The following NAALADL2 variants were observed in gnomAD, a reference collection of about 807,000 sequenced individuals.
The protein encoded by NAALADL2 is N-acetylated alpha-linked acidic dipeptidase like 2.
NAALADL2 carries 76 observed loss-of-function variants against 87.2 expected under a neutral mutation model. The ratio of observed to expected loss-of-function variants is 0.87; its 90% CI spans 0.72 to 1.05. The LOEUF (loss-of-function observed/expected upper bound fraction) is 1.05. Among genes scored for constraint, NAALADL2 ranks in the 50% least tolerant of loss-of-function variants. The probability of loss-of-function intolerance (pLI) is 0.00; values close to 1 mark genes in which losing one functional copy is unlikely to be tolerated. For missense variants in NAALADL2, 1,089 were observed against 945.8 expected, an observed-to-expected ratio of 1.15 and a Z score of -1.99; for synonymous variants, 354 against 331.0, an observed-to-expected ratio of 1.07 and a Z score of -0.75.
chr3:175,258,324 C>CAAAAAAAAA (rs1287997792), intron 4 of NAALADL2, among the ~76,000 whole-genome samples: 3 of 100,750 alleles, frequency 3.0e-5, no homozygotes, highest in African/African-American at 7.2e-5. Context: ...CCCCCACCAC[C>CAAAAAAAAA]AAAAAAAAAA....
intron 3 of NAALADL2, among the ~76,000 whole-genome samples, chr3:174,840,936 A>G (rs1409685557): frequency 2.0e-5 from 3 of 152,108 alleles, no homozygotes; most frequent in Admixed American, 6.6e-5. Flanking sequence ...TTTCAGAAAG[A>G]AAACATTCAC....
intron 1 of NAALADL2, among the ~76,000 whole-genome samples, chr3:175,013,067 A>AT (rs1750109121): frequency 2.5e-5 from 3 of 118,490 alleles, no homozygotes; most frequent in Non-Finnish European, 5.1e-5. Context: ...ATACACATAT[A>AT]TATAAATATG....
chr3:175,407,301 A>G, intron 5 of NAALADL2, among the ~76,000 whole-genome samples: 1 of 152,158 alleles, frequency 6.6e-6, no homozygotes, highest in East Asian at 1.9e-4. Context: ...TATATGGTTG[A>G]TAGGTGGTTG....
chr3:174,922,898 A>G (rs1735443284), intron 1 of NAALADL2, among the ~76,000 whole-genome samples: 1 of 152,196 alleles, frequency 6.6e-6, no homozygotes, highest in Admixed American at 6.5e-5. Flanking sequence ...TGCTGGTGGT[A>G]TTAACCTGAT....
At chr3:175,381,596 G>A (rs1247211884) in intron 5 of NAALADL2, among the ~76,000 whole-genome samples, 2 of 151,910 alleles carry the variant, frequency 1.3e-5, no homozygotes, top group Admixed American at 6.6e-5. Flanking sequence ...TTTATTTACT[G>A]AATTTCTGTC....
intron 3 of NAALADL2, among the ~76,000 whole-genome samples, chr3:174,760,293 C>T (rs1712744786): frequency 6.6e-6 from 1 of 152,124 alleles, no homozygotes; most frequent in Non-Finnish European, 1.5e-5. Flanking sequence ...GCAAAGAAAC[C>T]TTCCCACCGA....
At chr3:175,079,992 GTC>G (rs1463037695) in intron 1 of NAALADL2, among the ~76,000 whole-genome samples, 6 of 148,350 alleles carry the variant, frequency 4.0e-5, no homozygotes, top group Non-Finnish European at 7.4e-5. Flanking sequence ...TTGAGATGGA[GTC>G]TCTCTTTGTC....
chr3:174,857,489 C>T (rs149767326), upstream of NAALADL2, among the ~76,000 whole-genome samples: 538 of 152,188 alleles, frequency 3.5e-3, 3 homozygotes, highest in Middle Eastern at 0.02. Flanking sequence ...TGCTTTATAA[C>T]TGTTATTGAC....
intron 4 of NAALADL2, among the ~76,000 whole-genome samples, chr3:175,323,376 A>G (rs1406658996): frequency 6.7e-6 from 1 of 148,486 alleles, no homozygotes; most frequent in Non-Finnish European, 1.5e-5. Context: ...ATTGGGAGAT[A>G]TATCTAATGC....
intron 1 of NAALADL2, among the ~76,000 whole-genome samples, chr3:174,508,152 T>C (rs1359031895): frequency 7.4e-6 from 1 of 134,240 alleles, no homozygotes; most frequent in Non-Finnish European, 1.6e-5. Flanking sequence ...CTTGCTCTGT[T>C]GCCCAGGCTG....
chr3:175,134,786 T>G (rs1728848975), intron 2 of NAALADL2, among the ~76,000 whole-genome samples: 3 of 152,220 alleles, frequency 2.0e-5, no homozygotes, highest in Admixed American at 1.3e-4. Context: ...ACTGCCACTC[T>G]AAGTGAGACC....
At chr3:175,753,930 G>T (rs1010830332) in intron 12 of NAALADL2, among the ~76,000 whole-genome samples, 17 of 152,076 alleles carry the variant, frequency 1.1e-4, no homozygotes, top group Non-Finnish European at 4.4e-5. Flanking sequence ...TCATTACCTT[G>T]ACTTGAAGTG....
chr3:175,331,641 A>G (rs1187289067), intron 5 of NAALADL2, among the ~76,000 whole-genome samples: 3 of 152,214 alleles, frequency 2.0e-5, no homozygotes, highest in Non-Finnish European at 4.4e-5. Context: ...TGAAAAACCC[A>G]TACTTAATAC....
intron 11 of NAALADL2, among the ~76,000 whole-genome samples, chr3:175,706,015 T>C (rs187949356): frequency 8.5e-5 from 13 of 152,218 alleles, no homozygotes; most frequent in African/African-American, 3.1e-4. Context: ...AAATAACACT[T>C]GGACTTCAAA....
At chr3:174,784,118 TA>T (rs1447148023) in intron 3 of NAALADL2, among the ~76,000 whole-genome samples, 5 of 152,232 alleles carry the variant, frequency 3.3e-5, no homozygotes, top group Non-Finnish European at 5.9e-5. Context: ...ACTGCGCATC[TA>T]ATCATTTTCT....
intron 5 of NAALADL2, among the ~76,000 whole-genome samples, chr3:175,337,720 A>C (rs748392970): frequency 2.0e-5 from 3 of 152,216 alleles, no homozygotes; most frequent in Non-Finnish European, 4.4e-5. Context: ...AAAACAAACA[A>C]ACAAACAGCT....
At chr3:175,146,254 C>T (rs9872550) in intron 2 of NAALADL2, among the ~76,000 whole-genome samples, 50,481 of 151,834 alleles carry the variant, frequency 0.33, 8,457 homozygotes, top group South Asian at 0.36. Context: ...TAGGTAACTA[C>T]TAGATCACAA....
chr3:175,142,644 A>T (rs1488781615), intron 2 of NAALADL2, among the ~76,000 whole-genome samples: 1 of 151,778 alleles, frequency 6.6e-6, no homozygotes, highest in Admixed American at 6.6e-5. Flanking sequence ...GATTTCTCCT[A>T]GATTTATTGA....
rs1367301118 is a variant in NAALADL2, at chr3:175,204,643, G to A, written c.546-29288G>A. On this transcript the variant is annotated intron_variant, in intron 2 of 13. Coordinates refer to ENST00000454872, the MANE Select transcript of NAALADL2 (RefSeq NM_207015.3). The stretch of plus-strand genomic sequence containing the variant: ...AAAGAGCCTCCAAATCAGTATAGAG[G>A]AAGTCAAACTGTCAGTGTTTGCTGA... Among the ~76,000 whole-genome samples the A allele has an allele frequency of 3.3e-5, 5 of 151,804 alleles. No homozygotes were observed. In the East Asian group the frequency reaches 5.8e-4, roughly 18 times the overall value.
Sources: gnomAD v4.1 joint callset for allele counts (sites outside exome capture counted in the v4.1 genomes callset) on GRCh38, gnomAD v4.1.1 for gene constraint, MANE v1.5 for transcripts, NCBI Gene and HGNC (gene_info 2026-07-23, HGNC 2026-07-21) for gene names.